The following FLT3 variants were observed in gnomAD, a reference collection of about 807,000 sequenced individuals.
The protein encoded by FLT3 is fms related receptor tyrosine kinase 3, also known as receptor-type tyrosine-protein kinase FLT3.
In FLT3, 46 loss-of-function variants were observed where a neutral mutation model predicts 126.6. The observed-to-expected ratio is 0.36, with a 90% confidence interval of 0.29 to 0.46. FLT3 has a LOEUF of 0.46. Among genes scored for constraint, FLT3 ranks in the 20% least tolerant of loss-of-function variants. The pLI is 1.00. For missense variants in FLT3, 1,069 were observed against 1,190.3 expected (o/e 0.90, Z 1.50); for synonymous variants, 404 against 434.4 (o/e 0.93, Z 0.87).
At position 28,003,743 on chromosome 13, in the gene FLT3, T is replaced by C. The variant is rs2137577017; in HGVS notation, c.*309A>G. On this transcript the variant is annotated 3_prime_UTR_variant, in exon 24 of 24. Transcript: ENST00000241453. ...TCCTTAGCAAAATGCTTTTGTTTTA[T>C]GTATTTACAAGAATATACTGTACTT... 3.3e-6 allele frequency: 1 copy of C among 305,718 alleles called. No individual in the cohort carries two copies. The highest frequency in any genetic ancestry group is 4.6e-5 in the East Asian group (1 of 21,782). The allele number at this position is 305,718 out of a possible 1,614,324, so 18.9% of individuals were successfully genotyped here.
intron 15 of FLT3, among the ~76,000 whole-genome samples, chr13:28,032,500 C>G (rs1461602381): frequency 6.6e-6 from 1 of 152,214 alleles, no homozygotes; most frequent in African/African-American, 2.4e-5. Flanking sequence ...GTCCCCCCTA[C>G]TCAGGGGCCT....
chr13:28,082,813 C>T (rs1277375514), intron 1 of FLT3, among the ~76,000 whole-genome samples: 1 of 152,084 alleles, frequency 6.6e-6, no homozygotes, highest in Non-Finnish European at 1.5e-5. Flanking sequence ...ACGCCAGTCT[C>T]CTGCCTCAGC....
At chr13:28,087,533 T>G (rs1291426041) in intron 1 of FLT3, among the ~76,000 whole-genome samples, 2 of 152,236 alleles carry the variant, frequency 1.3e-5, no homozygotes, top group East Asian at 3.8e-4. Flanking sequence ...TGAGTTTCAC[T>G]GGGCTTCTTG....
intron 1 of FLT3, among the ~76,000 whole-genome samples, chr13:28,073,181 T>G (rs921372268): frequency 6.6e-6 from 1 of 151,670 alleles, no homozygotes; most frequent in Non-Finnish European, 1.5e-5. Context: ...TCTCTAAAAA[T>G]TTTTTTTAAA....
At chr13:28,086,660 G>A (rs986252049) in intron 1 of FLT3, among the ~76,000 whole-genome samples, 2 of 148,444 alleles carry the variant, frequency 1.3e-5, no homozygotes, top group African/African-American at 5.0e-5. Flanking sequence ...GTGTGTGTGT[G>A]TGTTTGAGAT....
Position 28,007,404 on chromosome 13 carries a change from A to G in FLT3, c.2860-3230T>C, listed in dbSNP as rs138278777. 2.8e-3 allele frequency among the ~76,000 whole-genome samples: 425 copies of G among 151,850 alleles called. 2 individuals carry two copies. Among genetic ancestry groups the G allele is most frequent in the Non-Finnish European group, 4.8e-3 (329 of 67,926 alleles). ...TGGGACTACTGGTGTGCGCCACTACACCTGGTTAATTTTTTAATTTTTGGT... is the reference window on the plus strand; with the variant it reads ...TGGGACTACTGGTGTGCGCCACTACGCCTGGTTAATTTTTTAATTTTTGGT... On this transcript the variant is annotated intron_variant, in intron 23 of 23. Coordinates refer to ENST00000241453, the MANE Select transcript of FLT3 (RefSeq NM_004119.3).
At chr13:28,036,118 G>T (rs1222459556) in intron 10 of FLT3, 75 bp from the exon 11 acceptor site, 4 of 1,266,180 alleles carry the variant, frequency 3.2e-6, no homozygotes, top group Middle Eastern at 1.9e-4. Context: ...AATACTTTGT[G>T]AAGCCAAGGT....
intron 1 of FLT3, among the ~76,000 whole-genome samples, chr13:28,088,709 C>T (rs1030780891): frequency 6.6e-6 from 1 of 151,740 alleles, no homozygotes; most frequent in Non-Finnish European, 1.5e-5. Flanking sequence ...CTCAGCCTCC[C>T]GAGTAGCTGG....
intron 1 of FLT3, among the ~76,000 whole-genome samples, chr13:28,091,364 G>C (rs1015093471): frequency 1.3e-5 from 2 of 149,378 alleles, no homozygotes; most frequent in Non-Finnish European, 3.0e-5. Context: ...TGGGACTACA[G>C]GCGCCCGCCA....
chr13:28,055,421 G>A (rs1454115200), intron 4 of FLT3, among the ~76,000 whole-genome samples: 1 of 152,152 alleles, frequency 6.6e-6, no homozygotes, highest in Admixed American at 6.5e-5. Flanking sequence ...CTTTAAAAAA[G>A]TAGAACTGAA....
intron 17 of FLT3, chr13:28,025,498 T>C (rs1872720395): frequency 2.9e-6 from 1 of 344,292 alleles, no homozygotes; most frequent in Non-Finnish European, 5.7e-6. Context: ...GTAGGAATTA[T>C]AAGTAGATCA....
chr13:28,054,650 G>A (rs1232221609), intron 4 of FLT3, among the ~76,000 whole-genome samples: 2 of 152,150 alleles, frequency 1.3e-5, no homozygotes, highest in African/African-American at 4.8e-5. Context: ...ACTGCAAACT[G>A]ACCAATCCAG....
At chr13:28,048,005 C>G (rs1875055484) in intron 9 of FLT3, among the ~76,000 whole-genome samples, 1 of 152,154 alleles carries the variant, frequency 6.6e-6, no homozygotes. Context: ...CCTTGTGACT[C>G]AGAAAATGCC....
At chr13:28,046,325 T>C (rs1874875560) in intron 9 of FLT3, among the ~76,000 whole-genome samples, 1 of 152,122 alleles carries the variant, frequency 6.6e-6, no homozygotes. Context: ...ACAAATCCCT[T>C]TTAGGTATAA....
At chr13:28,055,107 A>T (rs944411641) in intron 4 of FLT3, among the ~76,000 whole-genome samples, 1 of 152,160 alleles carries the variant, frequency 6.6e-6, no homozygotes, top group Non-Finnish European at 1.5e-5. Context: ...GGTTCTTATC[A>T]TATCCTCTAG....
Position 28,026,907 on chromosome 13 carries a change from A to G in FLT3, c.2207+181T>C, listed in dbSNP as rs73436969. Among the ~76,000 whole-genome samples the G allele has an allele frequency of 9.2e-3, 1,397 of 152,310 alleles. 25 individuals carry two copies. The highest frequency in any genetic ancestry group is 0.032 in the African/African-American group (1,328 of 41,570). On this transcript the variant is annotated intron_variant, in intron 17 of 23. Transcript: ENST00000241453. ...AGCTATAGTACCTGTACTGAAGGAA[A>G]GGGACAGGACTCGTTCCATGTCAAC...
intron 9 of FLT3, among the ~76,000 whole-genome samples, chr13:28,046,934 T>A (rs1200136483): frequency 6.6e-6 from 1 of 152,128 alleles, no homozygotes; most frequent in Non-Finnish European, 1.5e-5. Context: ...ACATTCTTTT[T>A]TTCATACTAA....
At chr13:28,009,744 T>G (rs1216135155) in intron 23 of FLT3, among the ~76,000 whole-genome samples, 1 of 152,016 alleles carries the variant, frequency 6.6e-6, no homozygotes, top group East Asian at 1.9e-4. Context: ...AATTTTTTTG[T>G]AGAGATAGGG....
intron 2 of FLT3, chr13:28,068,049 A>ATGTTT (rs58553214): frequency 3.7e-4 from 62 of 166,022 alleles, no homozygotes; most frequent in African/African-American, 8.0e-4. Context: ...TGTTTTTATT[A>ATGTTT]TGTTTTGTTT....
Sources: allele counts gnomAD v4.1 joint callset (sites outside exome capture counted in the v4.1 genomes callset), GRCh38; gene constraint gnomAD v4.1.1; transcripts MANE v1.5; gene names NCBI Gene and HGNC (gene_info 2026-07-23, HGNC 2026-07-21).